The following UST variants were observed in gnomAD, a reference collection of about 807,000 sequenced individuals.
UST encodes chondroitin sulfate 2-O-sulfotransferase.
In UST, 21 loss-of-function variants were observed where a neutral mutation model predicts 45.6. That is an observed-to-expected ratio of 0.46 (90% CI 0.33 to 0.66). The LOEUF is 0.66. UST is among the 30% of genes least tolerant of loss of function. UST has a pLI of 0.02. For synonymous variants in UST, 215 were observed against 200.6 expected, an observed-to-expected ratio of 1.07 and a Z score of -0.61; for missense variants, 463 against 512.4, an observed-to-expected ratio of 0.90 and a Z score of 0.93.
chr6:148,826,705 C>T (rs1777574350), intron 1 of UST, among the ~76,000 whole-genome samples: 1 of 152,138 alleles, frequency 6.6e-6, no homozygotes, highest in Admixed American at 6.5e-5. Flanking sequence ...AATCCACATA[C>T]CATGGGCTAA....
chr6:148,898,370 G>T (rs1231293036), intron 2 of UST, among the ~76,000 whole-genome samples: 1 of 152,132 alleles, frequency 6.6e-6, no homozygotes, highest in Non-Finnish European at 1.5e-5. Flanking sequence ...AGCTTATAAG[G>T]TAAAATAATC....
At chr6:149,035,319 C>T (rs1156728590) in intron 7 of UST, among the ~76,000 whole-genome samples, 2 of 152,220 alleles carry the variant, frequency 1.3e-5, no homozygotes, top group African/African-American at 2.4e-5. Flanking sequence ...TTGGTTTAAG[C>T]GTTTTCATTT....
chr6:148,994,028 G>A (rs1781403749), intron 5 of UST, among the ~76,000 whole-genome samples: 1 of 128,700 alleles, frequency 7.8e-6, no homozygotes, highest in Non-Finnish European at 1.5e-5. Context: ...GGAATGCAGT[G>A]GCATGATCTT....
chr6:149,070,793 G>A (rs752784368), intron 7 of UST, among the ~76,000 whole-genome samples: 3 of 152,036 alleles, frequency 2.0e-5, no homozygotes, highest in Non-Finnish European at 4.4e-5. Context: ...ATTTTAGACA[G>A]AGTCTCGCTC....
chr6:148,923,495 A>T (rs1779754595), intron 2 of UST, among the ~76,000 whole-genome samples: 1 of 152,186 alleles, frequency 6.6e-6, no homozygotes, highest in African/African-American at 2.4e-5. Context: ...GTGGTATCTC[A>T]TTGTGATTAC....
intron 5 of UST, among the ~76,000 whole-genome samples, chr6:148,967,028 G>A (rs945647974): frequency 1.3e-4 from 20 of 152,238 alleles, no homozygotes; most frequent in African/African-American, 3.9e-4. Flanking sequence ...GTGAGCCACC[G>A]TGCCCAGCCT....
At chr6:149,042,981 TTC>T (rs1260200904) in intron 7 of UST, among the ~76,000 whole-genome samples, 1 of 115,558 alleles carries the variant, frequency 8.7e-6, no homozygotes, top group African/African-American at 4.1e-5. Context: ...CTTTCTTTCT[TTC>T]TTTCTTTCTT....
chr6:148,997,932 G>C (rs1035856530), intron 5 of UST, among the ~76,000 whole-genome samples: 1 of 152,168 alleles, frequency 6.6e-6, no homozygotes, highest in East Asian at 1.9e-4. Flanking sequence ...AGAAGCTGTG[G>C]GCTGGCCTAA....
At chr6:148,775,419 A>C (rs1430840877) in intron 1 of UST, among the ~76,000 whole-genome samples, 1 of 152,114 alleles carries the variant, frequency 6.6e-6, no homozygotes, top group Non-Finnish European at 1.5e-5. Flanking sequence ...TGCAAAAAAA[A>C]CGTGAGCATG....
At chr6:149,004,838 T>C (rs1781617243) in intron 5 of UST, among the ~76,000 whole-genome samples, 1 of 151,968 alleles carries the variant, frequency 6.6e-6, no homozygotes, top group South Asian at 2.1e-4. Context: ...CACGTGCCTT[T>C]TGTGTGTGTG....
chr6:149,048,309 G>A (rs771659798), intron 7 of UST, among the ~76,000 whole-genome samples: 5 of 152,192 alleles, frequency 3.3e-5, no homozygotes, highest in African/African-American at 9.6e-5. Flanking sequence ...TTAGGAGGCC[G>A]AGGCAAGTGG....
intron 2 of UST, among the ~76,000 whole-genome samples, chr6:148,904,835 GTTC>G (rs892595182): frequency 2.6e-5 from 4 of 152,080 alleles, no homozygotes; most frequent in African/African-American, 9.7e-5. Context: ...GTAATTTTTG[GTTC>G]TTGTCTCCAA....
chr6:148,935,045 A>G (rs537638653), intron 2 of UST, among the ~76,000 whole-genome samples: 5 of 152,296 alleles, frequency 3.3e-5, no homozygotes, highest in South Asian at 2.1e-4. Context: ...CTTTTTACCT[A>G]GAAAGCCTTC....
intron 1 of UST, among the ~76,000 whole-genome samples, chr6:148,783,808 G>T (rs1438691456): frequency 6.6e-6 from 1 of 152,154 alleles, no homozygotes; most frequent in African/African-American, 2.4e-5. Flanking sequence ...GCAGTAGTAA[G>T]GTTCCCCTGT....
rs576192153 is a variant in UST, at chr6:148,916,541, A to G, written c.292-24738A>G. ...CCGCCCCCTCTTTAGCGCCTCACTCACTGGCGGATCTTAGCCCAGGAAGCT... is the reference window on the plus strand; with the variant it reads ...CCGCCCCCTCTTTAGCGCCTCACTCGCTGGCGGATCTTAGCCCAGGAAGCT... On this transcript the variant is annotated intron_variant, in intron 2 of 7. Coordinates refer to ENST00000367463, the MANE Select transcript of UST (RefSeq NM_005715.3). Among the ~76,000 whole-genome samples the G allele has an allele frequency of 9.2e-5, 14 of 152,136 alleles. No individual in the cohort carries two copies. The South Asian group carries it at 2.9e-3, about 32-fold the overall frequency.
intron 1 of UST, among the ~76,000 whole-genome samples, chr6:148,844,780 T>C (rs1777953207): frequency 6.6e-6 from 1 of 152,202 alleles, no homozygotes; most frequent in African/African-American, 2.4e-5. Flanking sequence ...CCCACGCTCC[T>C]GTCATTTCCT....
intron 1 of UST, among the ~76,000 whole-genome samples, chr6:148,771,239 G>C (rs571647342): frequency 6.6e-6 from 1 of 152,314 alleles, no homozygotes; most frequent in South Asian, 2.1e-4. Context: ...ATTTCTTGCT[G>C]TTTGGAAATG....
chr6:149,040,266 C>T (rs74428997), intron 7 of UST, among the ~76,000 whole-genome samples: 2,759 of 152,208 alleles, frequency 0.018, 85 homozygotes, highest in African/African-American at 0.063. Flanking sequence ...TCACTTGTCT[C>T]ATTCTTTCTT....
At chr6:148,926,174 C>T (rs547938611) in intron 2 of UST, among the ~76,000 whole-genome samples, 23 of 152,126 alleles carry the variant, frequency 1.5e-4, no homozygotes, top group Non-Finnish European at 3.2e-4. Flanking sequence ...TACAGCATTT[C>T]GAAGCTAATA....
Sources: gnomAD v4.1 joint callset for allele counts (sites outside exome capture counted in the v4.1 genomes callset) on GRCh38, gnomAD v4.1.1 for gene constraint, MANE v1.5 for transcripts, NCBI Gene and HGNC (gene_info 2026-07-23, HGNC 2026-07-21) for gene names.